Variants in CDKL5 observed in about 807,000 individuals in gnomAD.
CDKL5 encodes the protein cyclin dependent kinase like 5, also known as cyclin-dependent kinase-like 5.
CDKL5 carries 8 observed loss-of-function variants against 61.7 expected under a neutral mutation model. The ratio of observed to expected loss-of-function variants is 0.13; its 90% CI spans 0.08 to 0.23. CDKL5 has a LOEUF of 0.23. Ranked by LOEUF, CDKL5 falls within the 10% of genes least tolerant of loss-of-function variation. The pLI is 1.00. For missense variants in CDKL5, 440 were observed against 734.5 expected, an observed-to-expected ratio of 0.60 and a Z score of 4.63; for synonymous variants, 275 against 272.3, an observed-to-expected ratio of 1.01 and a Z score of -0.10.
intron 3 of CDKL5, among the ~76,000 whole-genome samples, chrX:18,542,864 G>A (rs1924073089): frequency 9.0e-6 from 1 of 110,701 alleles, no homozygotes; most frequent in East Asian, 2.8e-4. Flanking sequence ...TGGGTGAGGT[G>A]GATGTTCAGC....
chrX:18,652,313 C>G (rs903634853), intron 21 of CDKL5, among the ~76,000 whole-genome samples: 1 of 111,882 alleles, frequency 8.9e-6, no homozygotes, highest in Non-Finnish European at 1.9e-5. Flanking sequence ...CTGGCCTAAT[C>G]AAAAGAAACC....
chrX:18,537,817 G>A (rs1923895882), intron 3 of CDKL5, among the ~76,000 whole-genome samples: 1 of 112,395 alleles, frequency 8.9e-6, no homozygotes. Flanking sequence ...ATTCACCCAA[G>A]TTTTTTGTGT....
At chrX:18,531,647 G>A (rs915317992) in intron 3 of CDKL5, among the ~76,000 whole-genome samples, 1 of 110,387 alleles carries the variant, frequency 9.1e-6, no homozygotes, top group African/African-American at 3.4e-5. Context: ...CCTCAATTCC[G>A]TAAATCCAAG....
intron 11 of CDKL5, among the ~76,000 whole-genome samples, chrX:18,599,346 C>G (rs1275003586): frequency 8.9e-6 from 1 of 112,291 alleles, no homozygotes; most frequent in Non-Finnish European, 1.9e-5. Context: ...CCTTCATCTC[C>G]CAAGAGGCTG....
intron 3 of CDKL5, among the ~76,000 whole-genome samples, chrX:18,536,469 C>T (rs1324264346): frequency 1.8e-5 from 1 of 55,424 alleles, no homozygotes; most frequent in South Asian, 1.7e-3. Context: ...TTTTTTGAGA[C>T]GGAGTCCCAC....
intron 1 of CDKL5, among the ~76,000 whole-genome samples, chrX:18,429,741 T>C (rs760463501): frequency 4.5e-5 from 5 of 111,801 alleles, no homozygotes; most frequent in Non-Finnish European, 9.4e-5. Context: ...ACTCAGTGGA[T>C]CCTCCCATCT....
chrX:18,545,896 T>C (rs925826682), intron 3 of CDKL5, among the ~76,000 whole-genome samples: 1 of 112,358 alleles, frequency 8.9e-6, no homozygotes, highest in African/African-American at 3.2e-5. Context: ...TATAATAAGA[T>C]TCTTTGCTAG....
In CDKL5 at chrX:18,634,661, G is replaced by A. The variant is rs1263068475; in HGVS notation, c.*5904G>A. On this transcript the variant is annotated 3_prime_UTR_variant, in exon 18 of 18. Coordinates refer to ENST00000623535, the MANE Select transcript of CDKL5 (RefSeq NM_001323289.2). ...TCCCCTTGTTTACTCTTTGGTCACC[G>A]ATCGAGTCAGGCTAGAGGGGTAATA... 1.2e-4 allele frequency: 87 copies of A among 751,513 alleles called. No homozygotes were observed. Among genetic ancestry groups the A allele is most frequent in the Non-Finnish European group, 1.3e-4 (83 of 638,815 alleles). The allele number at this position is 751,513 out of a possible 1,213,427, so 61.9% of individuals were successfully genotyped here. A position where few individuals can be genotyped will look rare whatever the true frequency, so the allele number is the denominator to read the frequency against.
chrX:18,457,606 G>A (rs1363353754), intron 1 of CDKL5: 2 of 110,603 alleles, frequency 1.8e-5, no homozygotes, highest in Non-Finnish European at 3.8e-5. Flanking sequence ...TATGTTTAAT[G>A]TTTTTTTGTT....
intron 1 of CDKL5, among the ~76,000 whole-genome samples, chrX:18,471,777 C>T (rs79805077): frequency 0.049 from 5,370 of 109,925 alleles, 230 homozygotes; most frequent in East Asian, 0.18. Flanking sequence ...TCTCACTCTG[C>T]CACCCAGGCT....
At chrX:18,622,372 T>A (rs1171448353) in intron 16 of CDKL5, among the ~76,000 whole-genome samples, 1 of 112,279 alleles carries the variant, frequency 8.9e-6, no homozygotes, top group African/African-American at 3.2e-5. Flanking sequence ...ATCTTTTAAT[T>A]AAATGAAACA....
intron 1 of CDKL5, among the ~76,000 whole-genome samples, chrX:18,456,712 T>C (rs1187138397): frequency 1.8e-5 from 2 of 111,935 alleles, no homozygotes; most frequent in African/African-American, 6.5e-5. Flanking sequence ...CTTTATGGCA[T>C]TGGATAGTCT....
Position 18,630,710 on chromosome X carries a change from A to C in CDKL5, c.*1953A>C. Reference sequence around the variant, plus strand: ...TTTTAATGAGTGTAATAGGCACTAAAATGAAACTCGACTGGGTACTATTAC... The same window carrying C: ...TTTTAATGAGTGTAATAGGCACTAACATGAAACTCGACTGGGTACTATTAC... On this transcript the variant is annotated 3_prime_UTR_variant, in exon 18 of 18. Transcript: ENST00000623535. 2 of 750,416 alleles carry C rather than the reference A, an allele frequency of 2.7e-6. No homozygotes were observed. Among genetic ancestry groups the C allele is most frequent in the Non-Finnish European group, 3.1e-6 (2 of 636,633 alleles). 61.8% of individuals were successfully genotyped at this position (750,416 alleles called of 1,213,427 possible). A position where few individuals can be genotyped will look rare whatever the true frequency, so the allele number is the denominator to read the frequency against.
chrX:18,582,675 T>C (rs1432329258), intron 7 of CDKL5, among the ~76,000 whole-genome samples: 8 of 111,448 alleles, frequency 7.2e-5, no homozygotes, highest in South Asian at 3.7e-4. Flanking sequence ...TAATCACAAA[T>C]ACAATGTAAA....
In CDKL5 at chrX:18,510,219, G is replaced by A. The variant is rs544193932; in HGVS notation, c.65-601G>A. 7.2e-5 allele frequency among the ~76,000 whole-genome samples: 8 copies of A among 111,182 alleles called. No individual in the cohort carries two copies. In the Middle Eastern group the frequency reaches 0.014, roughly 192 times the overall value. ...TGCCCAGGCTGGAGTGCAGTGGCGC[G>A]ATCTGGACTACTGCAACCTCTGCCT... On this transcript the variant is annotated intron_variant, in intron 2 of 17. Transcript: ENST00000623535.
chrX:18,546,758 G>A (rs962716340), intron 3 of CDKL5, among the ~76,000 whole-genome samples: 5 of 111,546 alleles, frequency 4.5e-5, no homozygotes, highest in Admixed American at 9.5e-5. Flanking sequence ...CTTAATCACC[G>A]TCTGGCTGGG....
At chrX:18,583,826 T>G (rs779225019) in intron 7 of CDKL5, among the ~76,000 whole-genome samples, 24 of 112,321 alleles carry the variant, frequency 2.1e-4, no homozygotes, top group Non-Finnish European at 4.1e-4. Context: ...ACAGTACATA[T>G]GCAAATACTG....
intron 9 of CDKL5, chrX:18,589,025 G>A (rs558562501): frequency 7.3e-5 from 8 of 110,171 alleles, no homozygotes; most frequent in Middle Eastern, 4.7e-3. Context: ...GTGAAATAGC[G>A]TCTTAGAAAG....
At chrX:18,427,615 G>A (rs1015419855) in intron 1 of CDKL5, among the ~76,000 whole-genome samples, 1 of 111,232 alleles carries the variant, frequency 9.0e-6, no homozygotes, top group African/African-American at 3.3e-5. Flanking sequence ...TCAATGCAGC[G>A]ATTAATTTGC....
Sources: gnomAD v4.1 joint callset for allele counts (sites outside exome capture counted in the v4.1 genomes callset) on GRCh38, gnomAD v4.1.1 for gene constraint, MANE v1.5 for transcripts, NCBI Gene and HGNC (gene_info 2026-07-23, HGNC 2026-07-21) for gene names.